PTPRD: variants seen among roughly 807,000 people sequenced by gnomAD.
The protein encoded by PTPRD is protein tyrosine phosphatase receptor type D, also known as receptor-type tyrosine-protein phosphatase delta.
Under a neutral mutation model 214.5 loss-of-function variants are expected in PTPRD, and 34 were observed. The observed-to-expected ratio is 0.16, with a 90% CI of 0.12 to 0.21. PTPRD has a LOEUF of 0.21. Among genes scored for constraint, PTPRD ranks in the 10% least tolerant of loss-of-function variants. The pLI, the probability that PTPRD is intolerant of heterozygous loss-of-function variation, is 1.00. For missense variants in PTPRD, 2,545 were observed against 2,398.7 expected (o/e 1.06, Z -1.27); for synonymous variants, 1,128 against 845.7 (o/e 1.33, Z -5.79).
At chr9:10,214,286 T>C (rs755969117) in intron 3 of PTPRD, among the ~76,000 whole-genome samples, 60 of 152,116 alleles carry the variant, frequency 3.9e-4, no homozygotes, top group Admixed American at 2.9e-3. Context: ...GTTTGTTTGT[T>C]TGTTTTTGAG....
chr9:9,754,051 G>A (rs896370928), intron 6 of PTPRD, among the ~76,000 whole-genome samples: 1 of 152,014 alleles, frequency 6.6e-6, no homozygotes, highest in African/African-American at 2.4e-5. Flanking sequence ...TGGATGATCT[G>A]AGGAAAAGAA....
At chr9:8,336,627 G>GAAA (rs773065025) in intron 43 of PTPRD, among the ~76,000 whole-genome samples, 1 of 49,314 alleles carries the variant, frequency 2.0e-5, no homozygotes, top group African/African-American at 6.9e-5. Flanking sequence ...CTTCTGCAGA[G>GAAA]CAAAAAAAAA....
At chr9:8,735,647 C>T (rs951087287) in intron 11 of PTPRD, among the ~76,000 whole-genome samples, 2 of 152,082 alleles carry the variant, frequency 1.3e-5, no homozygotes, top group African/African-American at 2.4e-5. Flanking sequence ...CAGTGGCTTA[C>T]GCCTGTAATT....
At chr9:8,777,455 T>C (rs1158555345) in intron 11 of PTPRD, among the ~76,000 whole-genome samples, 1 of 152,236 alleles carries the variant, frequency 6.6e-6, no homozygotes, top group Admixed American at 6.5e-5. Flanking sequence ...GTAGTTGCCA[T>C]ACCTCCTTCC....
chr9:9,136,166 A>G (rs967550152), intron 10 of PTPRD, among the ~76,000 whole-genome samples: 1 of 152,180 alleles, frequency 6.6e-6, no homozygotes, highest in Non-Finnish European at 1.5e-5. Context: ...TGAGTAATTC[A>G]CTGTGGTAAG....
At chr9:9,224,011 C>A (rs1456310913) in intron 9 of PTPRD, among the ~76,000 whole-genome samples, 2 of 151,966 alleles carry the variant, frequency 1.3e-5, no homozygotes, top group Admixed American at 6.6e-5. Flanking sequence ...TTCTACTAAT[C>A]TGCTTACTTT....
intron 7 of PTPRD, among the ~76,000 whole-genome samples, chr9:9,688,931 G>A (rs752184771): frequency 6.6e-6 from 1 of 151,476 alleles, no homozygotes; most frequent in African/African-American, 2.4e-5. Context: ...TGGCTAGCTA[G>A]GTAAACAGTA....
chr9:8,885,948 C>T (rs2098483938), intron 11 of PTPRD, among the ~76,000 whole-genome samples: 1 of 152,204 alleles, frequency 6.6e-6, no homozygotes, highest in African/African-American at 2.4e-5. Context: ...TAACAACTTG[C>T]ATCCATATAC....
intron 2 of PTPRD, among the ~76,000 whole-genome samples, chr9:10,489,585 C>A (rs1378362697): frequency 6.6e-6 from 1 of 152,188 alleles, no homozygotes; most frequent in Non-Finnish European, 1.5e-5. Flanking sequence ...AGCTCCAGAG[C>A]ACTTTGGCCT....
intron 4 of PTPRD, among the ~76,000 whole-genome samples, chr9:9,978,623 G>A (rs7874659): frequency 0.75 from 113,364 of 151,926 alleles, 42,987 homozygotes; most frequent in Middle Eastern, 0.89. Context: ...AGAACTGATG[G>A]AGAACAGAAC....
intron 2 of PTPRD, among the ~76,000 whole-genome samples, chr9:10,420,348 T>C (rs1236533418): frequency 6.6e-6 from 1 of 151,868 alleles, no homozygotes; most frequent in East Asian, 1.9e-4. Context: ...TCTCAGATAA[T>C]ATTGAAAATG....
At chr9:9,121,348 A>G (rs1175002179) in intron 10 of PTPRD, among the ~76,000 whole-genome samples, 2 of 152,218 alleles carry the variant, frequency 1.3e-5, no homozygotes, top group Non-Finnish European at 2.9e-5. Context: ...AAAAGAAGTT[A>G]TTATTCGAAA....
At chr9:9,967,488 A>G (rs550039964) in intron 4 of PTPRD, among the ~76,000 whole-genome samples, 48 of 152,292 alleles carry the variant, frequency 3.2e-4, no homozygotes, top group African/African-American at 1.1e-3. Flanking sequence ...ACATTTATTG[A>G]GAAACAATTA....
intron 44 of PTPRD, 75 bp downstream of exon 44, chr9:8,331,507 T>G: frequency 6.6e-7 from 1 of 1,519,078 alleles, no homozygotes; most frequent in South Asian, 1.2e-5. Flanking sequence ...TAAGCAAACT[T>G]ACTACAAAAA....
At chr9:8,382,481 G>A (rs1475308764) in intron 37 of PTPRD, among the ~76,000 whole-genome samples, 3 of 152,152 alleles carry the variant, frequency 2.0e-5, no homozygotes, top group Non-Finnish European at 4.4e-5. Context: ...GCTTTAAGAG[G>A]AATGCTTTGA....
At chr9:9,840,396 T>G (rs951096030) in intron 5 of PTPRD, among the ~76,000 whole-genome samples, 3 of 152,096 alleles carry the variant, frequency 2.0e-5, no homozygotes, top group Non-Finnish European at 4.4e-5. Flanking sequence ...TTTTTTCCAG[T>G]TGTTGAAACA....
rs535918111 is a variant in PTPRD, at chr9:8,935,368, A to C, written c.-104+83329T>G. 2.0e-5 allele frequency among the ~76,000 whole-genome samples: 3 copies of C among 152,174 alleles called. No homozygotes were observed. In the East Asian group the frequency reaches 5.8e-4, roughly 29 times the overall value. On this transcript the variant is annotated intron_variant, in intron 11 of 45. Transcript: ENST00000381196. ...TTACAATAGCATCTCAAGAACAAACAAACAAACAATACAACCTTAAGGATA... is the reference window on the plus strand; with the variant it reads ...TTACAATAGCATCTCAAGAACAAACCAACAAACAATACAACCTTAAGGATA...
chr9:9,929,485 C>T (rs564910856), intron 5 of PTPRD, among the ~76,000 whole-genome samples: 1 of 152,266 alleles, frequency 6.6e-6, no homozygotes, highest in Admixed American at 6.5e-5. Context: ...CCTCTGCCTC[C>T]TGGGTTCAAA....
intron 9 of PTPRD, among the ~76,000 whole-genome samples, chr9:9,381,708 G>GT (rs1413113256): frequency 1.1e-5 from 1 of 87,552 alleles, no homozygotes; most frequent in Non-Finnish European, 2.6e-5. Context: ...TTTGTTTTTT[G>GT]TTTTTGTTTT....
Sources: allele counts gnomAD v4.1 joint callset (sites outside exome capture counted in the v4.1 genomes callset), GRCh38; gene constraint gnomAD v4.1.1; transcripts MANE v1.5; gene names NCBI Gene and HGNC (gene_info 2026-07-23, HGNC 2026-07-21).